Variants in ERG observed in about 807,000 individuals in gnomAD.
The protein encoded by ERG is transcriptional regulator ERG.
A neutral mutation model predicts 55.3 loss-of-function variants in ERG; 9 were observed. The observed-to-expected ratio is 0.16, with a 90% CI of 0.10 to 0.28. The LOEUF (loss-of-function observed/expected upper bound fraction) is 0.28, where lower values mean the gene tolerates loss of function less well. Among genes scored for constraint, ERG ranks in the 10% least tolerant of loss-of-function variants. The pLI, the probability that ERG is intolerant of heterozygous loss-of-function variation, is 1.00. For synonymous variants in ERG, 223 were observed against 237.3 expected (o/e 0.94, Z 0.55); for missense variants, 434 against 631.6 (o/e 0.69, Z 3.35).
chr21:38,640,688 C>T (rs1464683832), intron 1 of ERG, among the ~76,000 whole-genome samples: 2 of 152,148 alleles, frequency 1.3e-5, no homozygotes, highest in Non-Finnish European at 1.5e-5. Context: ...AACTGTGAGT[C>T]CACTAAGCCT....
At chr21:38,596,056 T>G (rs113196607) in intron 1 of ERG, among the ~76,000 whole-genome samples, 2,286 of 101,934 alleles carry the variant, frequency 0.022, 60 homozygotes, top group African/African-American at 0.042. Flanking sequence ...GGTGTGGGAT[T>G]GGGGGGGGGG....
intron 2 of ERG, among the ~76,000 whole-genome samples, chr21:38,541,222 T>A (rs2059749995): frequency 6.6e-6 from 1 of 152,194 alleles, no homozygotes; most frequent in African/African-American, 2.4e-5. Context: ...TGCTCTTCCA[T>A]GCCCATATGT....
intron 2 of ERG, among the ~76,000 whole-genome samples, chr21:38,517,536 T>G (rs1415861018): frequency 6.6e-6 from 1 of 152,162 alleles, no homozygotes; most frequent in Non-Finnish European, 1.5e-5. Flanking sequence ...ACAGCCACTA[T>G]AGAAAACAGT....
intron 1 of ERG, among the ~76,000 whole-genome samples, chr21:38,614,092 A>G (rs1205419598): frequency 2.6e-5 from 4 of 152,208 alleles, no homozygotes; most frequent in African/African-American, 9.7e-5. Context: ...CTCAGGCTTC[A>G]TATGCAATGG....
intron 2 of ERG, among the ~76,000 whole-genome samples, chr21:38,442,033 G>A (rs1409926715): frequency 6.6e-6 from 1 of 152,212 alleles, no homozygotes; most frequent in Non-Finnish European, 1.5e-5. Context: ...GAAAGTTTAT[G>A]ACGGCAGCAA....
chr21:38,661,466 C>G (rs1601367876), intron 1 of ERG, among the ~76,000 whole-genome samples: 1 of 152,142 alleles, frequency 6.6e-6, no homozygotes, highest in South Asian at 2.1e-4. Flanking sequence ...GCGGGGATGC[C>G]GAGGGCACCG....
downstream of ERG, among the ~76,000 whole-genome samples, chr21:38,377,221 TA>T (rs1201501179): frequency 6.6e-6 from 1 of 152,254 alleles, no homozygotes; most frequent in Non-Finnish European, 1.5e-5. Context: ...ACTAAGCTAT[TA>T]TTATTATCAA....
Position 38,498,326 on chromosome 21 carries a change from C to G in ERG, c.18+37G>C, listed in dbSNP as rs374142849. On this transcript the variant is annotated intron_variant, in intron 1 of 9. Transcript: ENST00000288319. The surrounding 1 kb of genome is among the most constrained non-coding windows in gnomAD (Gnocchi z 4.6). Reference sequence around the variant, plus strand: ...AAACCAAAGAAAAGAGTAACAAGAACAAGATTTTGTCAAATTAAAAGGAAC... The same window carrying G: ...AAACCAAAGAAAAGAGTAACAAGAAGAAGATTTTGTCAAATTAAAAGGAAC... The G allele has an allele frequency of 1.3e-6, 2 of 1,588,120 alleles. No homozygotes were observed. The highest frequency in any genetic ancestry group is 1.7e-6 in the Non-Finnish European group (2 of 1,158,610).
intron 2 of ERG, among the ~76,000 whole-genome samples, chr21:38,547,347 T>C (rs1341542595): frequency 6.6e-6 from 1 of 152,194 alleles, no homozygotes; most frequent in Non-Finnish European, 1.5e-5. Flanking sequence ...CTCAACAAGA[T>C]CTGCATGGCC....
At chr21:38,456,449 A>G (rs1260385035) in intron 1 of ERG, among the ~76,000 whole-genome samples, 1 of 152,236 alleles carries the variant, frequency 6.6e-6, no homozygotes, top group Non-Finnish European at 1.5e-5. Context: ...AAAAAATTTA[A>G]AAAATAAAAA....
At chr21:38,461,176 C>G in intron 1 of ERG, among the ~76,000 whole-genome samples, 1 of 152,156 alleles carries the variant, frequency 6.6e-6, no homozygotes, top group East Asian at 1.9e-4. Context: ...AGTCAGAGAG[C>G]AAAGTAGCAG....
At chr21:38,510,704 T>C (rs2059505213) in intron 2 of ERG, among the ~76,000 whole-genome samples, 1 of 152,178 alleles carries the variant, frequency 6.6e-6, no homozygotes, top group South Asian at 2.1e-4. Flanking sequence ...GGCTAATCCA[T>C]ATCATTCTTA....
At chr21:38,397,223 G>C (rs1202223696) in intron 6 of ERG, among the ~76,000 whole-genome samples, 1 of 152,162 alleles carries the variant, frequency 6.6e-6, no homozygotes, top group African/African-American at 2.4e-5. Context: ...CACAGCAGCA[G>C]CGAGACTGAC....
At chr21:38,620,363 T>A (rs145680252) in intron 1 of ERG, among the ~76,000 whole-genome samples, 1 of 152,200 alleles carries the variant, frequency 6.6e-6, no homozygotes, top group Non-Finnish European at 1.5e-5. Context: ...CTCCTACTCA[T>A]GTATGACGGC....
intron 1 of ERG, among the ~76,000 whole-genome samples, chr21:38,594,022 T>C (rs1218936569): frequency 3.3e-5 from 5 of 151,878 alleles, no homozygotes; most frequent in Non-Finnish European, 7.4e-5. Context: ...AAAAAAAAAT[T>C]AGAGAATACC....
At chr21:38,536,636 G>C (rs1415992753) in intron 2 of ERG, among the ~76,000 whole-genome samples, 1 of 152,236 alleles carries the variant, frequency 6.6e-6, no homozygotes, top group Non-Finnish European at 1.5e-5. Flanking sequence ...TGGGTATTCA[G>C]TGCATGTTGA....
chr21:38,379,248 C>T (rs1429806090), downstream of ERG, among the ~76,000 whole-genome samples: 1 of 152,252 alleles, frequency 6.6e-6, no homozygotes. Flanking sequence ...GTATCCTCAT[C>T]TGAGTAAAGT....
downstream of ERG, among the ~76,000 whole-genome samples, chr21:38,377,781 G>C (rs1987283499): frequency 6.6e-6 from 1 of 152,102 alleles, no homozygotes; most frequent in Non-Finnish European, 1.5e-5. Flanking sequence ...TGTTAGTCTG[G>C]AGTGGGATTG....
chr21:38,661,425 G>A (rs1209726399), intron 1 of ERG, among the ~76,000 whole-genome samples: 5 of 152,210 alleles, frequency 3.3e-5, no homozygotes, highest in Admixed American at 6.5e-5. Flanking sequence ...GACCTCGGTC[G>A]TGGGGAGGAG....
Sources: allele counts gnomAD v4.1 joint callset (sites outside exome capture counted in the v4.1 genomes callset), GRCh38; gene constraint gnomAD v4.1.1; non-coding constraint Gnocchi (gnomAD v3.1); transcripts MANE v1.5; gene names NCBI Gene and HGNC (gene_info 2026-07-23, HGNC 2026-07-21).